The following CDH12 variants were observed in gnomAD, a reference collection of about 807,000 sequenced individuals.
CDH12 encodes the protein cadherin-12.
In CDH12, 41 loss-of-function variants were observed where a neutral mutation model predicts 74.1. The ratio of observed to expected loss-of-function variants is 0.55; its 90% confidence interval spans 0.43 to 0.72. The LOEUF is 0.72. CDH12 is among the 30% of genes least tolerant of loss of function. The pLI is 0.00. For missense variants in CDH12, 945 were observed against 977.2 expected (o/e 0.97, Z 0.44); for synonymous variants, 399 against 355.0 (o/e 1.12, Z -1.39).
intron 5 of CDH12, among the ~76,000 whole-genome samples, chr5:22,071,801 TCTTA>T (rs1483558640): frequency 4.6e-5 from 7 of 152,264 alleles, no homozygotes; most frequent in South Asian, 2.1e-4. Context: ...TTATTTCATT[TCTTA>T]CTTGAGTCCC....
intron 5 of CDH12, among the ~76,000 whole-genome samples, chr5:22,063,185 GTCTT>G (rs1456648758): frequency 2.0e-5 from 3 of 151,880 alleles, no homozygotes; most frequent in Non-Finnish European, 4.4e-5. Context: ...TTCTATTTTT[GTCTT>G]TCTTATTTTT....
At chr5:22,772,835 G>A (rs1407241263) in intron 1 of CDH12, among the ~76,000 whole-genome samples, 3 of 151,996 alleles carry the variant, frequency 2.0e-5, no homozygotes, top group Non-Finnish European at 4.4e-5. Flanking sequence ...TGGTGACTAT[G>A]AAAATACTAG....
intron 5 of CDH12, among the ~76,000 whole-genome samples, chr5:22,010,611 A>T (rs1737240574): frequency 6.6e-6 from 1 of 152,168 alleles, no homozygotes; most frequent in Admixed American, 6.5e-5. Context: ...TGAACACTTT[A>T]TTAGTCCCAC....
chr5:22,254,390 G>A (rs949782274), intron 3 of CDH12, among the ~76,000 whole-genome samples: 2 of 151,770 alleles, frequency 1.3e-5, no homozygotes, highest in Admixed American at 1.3e-4. Context: ...AATGAGTATA[G>A]TTTCTCATGA....
At chr5:21,842,140 T>C in intron 8 of CDH12, 21 bp downstream of exon 8, 1 of 1,587,916 alleles carries the variant, frequency 6.3e-7, no homozygotes, top group Non-Finnish European at 8.6e-7. Flanking sequence ...TAATTTAGGC[T>C]TAACAGGAAA....
chr5:22,769,365 C>A (rs1003112490), intron 1 of CDH12, among the ~76,000 whole-genome samples: 1 of 152,072 alleles, frequency 6.6e-6, no homozygotes, highest in Non-Finnish European at 1.5e-5. Flanking sequence ...ATGCTTCCTG[C>A]CCTTGGACAT....
chr5:22,852,312 A>G (rs1245001281), intron 1 of CDH12, among the ~76,000 whole-genome samples: 2 of 152,212 alleles, frequency 1.3e-5, no homozygotes, highest in East Asian at 1.9e-4. Flanking sequence ...TGATGTTAAA[A>G]ACATAAGAAA....
intron 6 of CDH12, among the ~76,000 whole-genome samples, chr5:21,969,388 G>A (rs1423444278): frequency 6.6e-6 from 1 of 152,122 alleles, no homozygotes; most frequent in East Asian, 1.9e-4. Flanking sequence ...TATTCGCGTT[G>A]CACTTACTTG....
chr5:21,927,323 C>T (rs1027602459), intron 6 of CDH12, among the ~76,000 whole-genome samples: 23 of 152,152 alleles, frequency 1.5e-4, no homozygotes, highest in African/African-American at 5.5e-4. Flanking sequence ...CGGTGGCTCA[C>T]GCCTGTAATC....
intron 4 of CDH12, among the ~76,000 whole-genome samples, chr5:22,167,499 A>C (rs1748755104): frequency 6.6e-6 from 1 of 152,132 alleles, no homozygotes; most frequent in African/African-American, 2.4e-5. Flanking sequence ...TTTGTTTATC[A>C]TGACAAGTTC....
intron 5 of CDH12, among the ~76,000 whole-genome samples, chr5:21,987,316 T>C (rs1043426098): frequency 1.7e-4 from 26 of 152,164 alleles, no homozygotes; most frequent in African/African-American, 6.3e-4. Context: ...TAGTAAAATG[T>C]AATACATTGG....
chr5:22,134,455 G>A (rs1473265018), intron 4 of CDH12, among the ~76,000 whole-genome samples: 1 of 151,890 alleles, frequency 6.6e-6, no homozygotes, highest in Non-Finnish European at 1.5e-5. Flanking sequence ...GTTGAGAAGA[G>A]GAATGTGATA....
intron 1 of CDH12, among the ~76,000 whole-genome samples, chr5:22,657,306 T>C (rs1740097711): frequency 6.6e-6 from 1 of 152,138 alleles, no homozygotes; most frequent in Admixed American, 6.5e-5. Context: ...TAGTAGCTCT[T>C]GTCGCAATCT....
chr5:21,997,749 C>A (rs1175417791), intron 5 of CDH12, among the ~76,000 whole-genome samples: 1 of 152,050 alleles, frequency 6.6e-6, no homozygotes, highest in Non-Finnish European at 1.5e-5. Context: ...AAATAATATG[C>A]ATATTTTAAA....
chr5:22,514,882 A>C (rs1269971019), intron 1 of CDH12, among the ~76,000 whole-genome samples: 3 of 152,148 alleles, frequency 2.0e-5, no homozygotes, highest in Non-Finnish European at 2.9e-5. Context: ...AAAAGGAAGA[A>C]CCCTACCTGA....
chr5:22,852,189 A>G (rs544822529), intron 1 of CDH12, among the ~76,000 whole-genome samples: 118 of 152,326 alleles, frequency 7.7e-4, no homozygotes, highest in African/African-American at 2.7e-3. Flanking sequence ...AGCCAGAAGT[A>G]TGTCAGTTCC....
chr5:22,379,123 G>A (rs1397268624), intron 3 of CDH12, among the ~76,000 whole-genome samples: 4 of 152,156 alleles, frequency 2.6e-5, no homozygotes, highest in Non-Finnish European at 5.9e-5. Context: ...TTGCAGAATT[G>A]TAGTAAGAAA....
intron 9 of CDH12, among the ~76,000 whole-genome samples, chr5:21,804,222 A>C (rs1199434063): frequency 6.6e-6 from 1 of 152,148 alleles, no homozygotes; most frequent in Non-Finnish European, 1.5e-5. Flanking sequence ...TACCTATATA[A>C]GCAAAGAATA....
chr5:22,504,285 G>A (rs1416760380), intron 2 of CDH12, among the ~76,000 whole-genome samples: 1 of 151,848 alleles, frequency 6.6e-6, no homozygotes, highest in Admixed American at 6.6e-5. Flanking sequence ...AAATCTGATA[G>A]CTGAAATTAA....
Sources: gnomAD v4.1 joint callset for allele counts (sites outside exome capture counted in the v4.1 genomes callset) on GRCh38, gnomAD v4.1.1 for gene constraint, MANE v1.5 for transcripts, NCBI Gene and HGNC (gene_info 2026-07-23, HGNC 2026-07-21) for gene names.